The following BET1 variants were observed in gnomAD, a reference collection of about 807,000 sequenced individuals.
BET1 encodes the protein Bet1 golgi vesicular membrane trafficking protein.
In BET1, 9 loss-of-function variants were observed where a neutral mutation model predicts 13.9. That is an observed-to-expected ratio of 0.65 (90% confidence interval 0.39 to 1.13). The LOEUF (loss-of-function observed/expected upper bound fraction) is 1.13, where lower values mean the gene tolerates loss of function less well. Ranked by LOEUF, BET1 falls within the 50% of genes most tolerant of loss-of-function variation. The pLI is 0.01. For synonymous variants in BET1, 39 were observed against 47.3 expected (o/e 0.82, Z 0.72); for missense variants, 127 against 133.6 (o/e 0.95, Z 0.24).
At chr7:93,999,747 ATC>A (rs748530730) in intron 1 of BET1, 2 of 455,470 alleles carry the variant, frequency 4.4e-6, no homozygotes, top group South Asian at 1.6e-5. Context: ...CTTTACTGGC[ATC>A]TCTTTCTCTT....
At chr7:93,985,027 A>G (rs1795499491) in intron 4 of BET1, among the ~76,000 whole-genome samples, 1 of 152,118 alleles carries the variant, frequency 6.6e-6, no homozygotes, top group Non-Finnish European at 1.5e-5. Flanking sequence ...TATTTTGAAA[A>G]TTCAGAATTT....
chr7:93,986,174 A>G (rs1437287359), intron 4 of BET1, among the ~76,000 whole-genome samples: 1 of 152,166 alleles, frequency 6.6e-6, no homozygotes, highest in Non-Finnish European at 1.5e-5. Context: ...AGTATCTCTC[A>G]ATTATACCTG....
At position 93,993,320 on chromosome 7, in the gene BET1, A is replaced by G. The variant is rs2116109749; in HGVS notation, c.*910T>C. On this transcript the variant is annotated 3_prime_UTR_variant, in exon 4 of 4. Transcript: ENST00000222547. ...ATGGATAAATTCCAAAATACAGAAT[A>G]TTTAACAATATTTAATATTTTTTAC... The G allele has an allele frequency of 1.1e-6, 1 of 935,918 alleles. No homozygotes were observed. Among genetic ancestry groups the G allele is most frequent in the South Asian group, 4.9e-5 (1 of 20,254 alleles). 58.0% of individuals were successfully genotyped at this position (935,918 alleles called of 1,614,324 possible).
chr7:93,980,877 C>A (rs1039905421), intron 4 of BET1, among the ~76,000 whole-genome samples: 2 of 152,000 alleles, frequency 1.3e-5, no homozygotes, highest in Non-Finnish European at 2.9e-5. Context: ...CTCATTTTAC[C>A]ATTTTTTTTT....
At chr7:93,977,297 C>A (rs1019298512) in intron 4 of BET1, among the ~76,000 whole-genome samples, 1 of 152,038 alleles carries the variant, frequency 6.6e-6, no homozygotes, top group Non-Finnish European at 1.5e-5. Context: ...CCTGTCTCTA[C>A]TATACATATG....
chr7:93,993,789 G>C lies in BET1; in HGVS notation c.*441C>G. The C allele has an allele frequency of 6.6e-7, 1 of 1,514,466 alleles. No homozygotes were observed. Among genetic ancestry groups the C allele is most frequent in the East Asian group, 2.5e-5 (1 of 40,442 alleles). The allele number at this position is 1,514,466 out of a possible 1,614,324, so 93.8% of individuals were successfully genotyped here. On this transcript the variant is annotated 3_prime_UTR_variant, in exon 4 of 4. Transcript: ENST00000222547. ...AAGGGAGTATATCATTACAGTTGAT[G>C]CAGTTAGGAAAATTCAATTACCATT...
At chr7:93,975,239 T>C (rs1220868394) in intron 5 of BET1, among the ~76,000 whole-genome samples, 1 of 152,110 alleles carries the variant, frequency 6.6e-6, no homozygotes, top group Non-Finnish European at 1.5e-5. Context: ...ATTTAATTAA[T>C]AGTATTGTAC....
intron 1 of BET1, among the ~76,000 whole-genome samples, chr7:93,999,883 C>T (rs982028955): frequency 6.6e-6 from 1 of 152,094 alleles, no homozygotes; most frequent in African/African-American, 2.4e-5. Flanking sequence ...ATTTATTCTT[C>T]AACATATATT....
chr7:93,999,435 AAAAT>A (rs376423556), intron 1 of BET1, 141 bp from the exon 2 acceptor site: 6 of 1,083,352 alleles, frequency 5.5e-6, no homozygotes, highest in African/African-American at 3.2e-5. Flanking sequence ...ATGAATTTAA[AAAAT>A]AAATAACCAA....
chr7:93,982,466 C>T (rs1022771278), intron 4 of BET1, among the ~76,000 whole-genome samples: 1 of 152,044 alleles, frequency 6.6e-6, no homozygotes, highest in African/African-American at 2.4e-5. Flanking sequence ...TCATTCAGTC[C>T]ATTGAGTTTC....
intron 6 of BET1, among the ~76,000 whole-genome samples, chr7:93,967,018 G>A (rs73718105): frequency 0.012 from 1,770 of 151,934 alleles, 54 homozygotes; most frequent in African/African-American, 0.04. Context: ...CTATGAATTA[G>A]GAAGCTTTAA....
exon 7 of BET1, chr7:93,962,856 A>G (rs1795115057): frequency 6.6e-6 from 1 of 152,064 alleles, no homozygotes; most frequent in African/African-American, 2.4e-5. Flanking sequence ...GATTCCCAAC[A>G]GTTCACAGCA....
intron 4 of BET1, among the ~76,000 whole-genome samples, chr7:93,985,909 A>G (rs1159103236): frequency 1.3e-5 from 2 of 152,186 alleles, no homozygotes; most frequent in African/African-American, 2.4e-5. Context: ...AAGGACCTAG[A>G]GCATCTTAGA....
chr7:93,975,211 A>C (rs1410846177), intron 5 of BET1, among the ~76,000 whole-genome samples: 1 of 152,108 alleles, frequency 6.6e-6, no homozygotes, highest in Non-Finnish European at 1.5e-5. Context: ...AATTGGTGAA[A>C]TTTGAAAAAT....
Position 93,982,217 on chromosome 7 carries a change from T to C in BET1, c.236-6117A>G, listed in dbSNP as rs539251462. Among the ~76,000 whole-genome samples, 10 of 152,256 alleles carry C rather than the reference T, an allele frequency of 6.6e-5. No individual in the cohort carries two copies. In the South Asian group the frequency reaches 1.0e-3, roughly 16 times the overall value. ...AAATCATGGCACACTGCTTGAAATA[T>C]AGATATATAGATCAGTCTATAATTA... On this transcript the variant is annotated intron_variant and NMD_transcript_variant, in intron 4 of 6. Coordinates refer to the BET1 transcript ENST00000357520.
exon 5 of BET1, chr7:93,975,997 C>G: frequency 7.8e-7 from 1 of 1,279,118 alleles, no homozygotes; most frequent in Non-Finnish European, 1.0e-6. Context: ...TGAAAGTAAG[C>G]CTCCTTCTTT....
chr7:93,993,041 T>C (rs1407113838), downstream of BET1: 1 of 982,774 alleles, frequency 1.0e-6, no homozygotes, highest in Non-Finnish European at 1.2e-6. Flanking sequence ...AATTGAAAAC[T>C]CAGTAAAATC....
At chr7:93,973,439 T>C (rs1795290254) in intron 5 of BET1, among the ~76,000 whole-genome samples, 1 of 151,972 alleles carries the variant, frequency 6.6e-6, no homozygotes. Context: ...CCGAACTTTT[T>C]GAACTACAAA....
chr7:93,971,184 T>C (rs1584123875), intron 6 of BET1, among the ~76,000 whole-genome samples: 1 of 151,812 alleles, frequency 6.6e-6, no homozygotes, highest in South Asian at 2.1e-4. Flanking sequence ...GAAATACCTA[T>C]AGAATACAAT....
Sources: allele counts gnomAD v4.1 joint callset (sites outside exome capture counted in the v4.1 genomes callset), GRCh38; gene constraint gnomAD v4.1.1; transcripts MANE v1.5; gene names NCBI Gene and HGNC (gene_info 2026-07-23, HGNC 2026-07-21).